The following RELN variants were observed in gnomAD, a reference collection of about 807,000 sequenced individuals.
RELN encodes reelin.
Under a neutral mutation model 427.6 loss-of-function variants are expected in RELN, and 108 were observed. That is an observed-to-expected ratio of 0.25 (90% CI 0.22 to 0.30). The LOEUF is 0.30. Ranked by LOEUF, RELN falls within the 10% of genes least tolerant of loss-of-function variation. The pLI is 1.00. For missense variants in RELN, 3,715 were observed against 4,302.8 expected, an observed-to-expected ratio of 0.86 and a Z score of 3.82; for synonymous variants, 1,524 against 1,513.4, an observed-to-expected ratio of 1.01 and a Z score of -0.16.
chr7:103,742,892 A>C (rs990339518), intron 6 of RELN, among the ~76,000 whole-genome samples: 5 of 152,120 alleles, frequency 3.3e-5, no homozygotes, highest in South Asian at 2.1e-4. Context: ...CCAACATTCA[A>C]ATTCAGGAAA....
chr7:103,583,384 G>C (rs1014312421), intron 28 of RELN, among the ~76,000 whole-genome samples: 1 of 152,104 alleles, frequency 6.6e-6, no homozygotes, highest in African/African-American at 2.4e-5. Context: ...CTGTCTCTCT[G>C]GAGAACCCTA....
At chr7:103,518,748 C>T (rs1032212363) in intron 49 of RELN, among the ~76,000 whole-genome samples, 2 of 150,370 alleles carry the variant, frequency 1.3e-5, no homozygotes, top group East Asian at 4.1e-4. Context: ...CCTCTTCCTC[C>T]TCCTACTTTA....
chr7:103,721,705 T>C (rs1790080977), intron 8 of RELN, among the ~76,000 whole-genome samples: 1 of 152,206 alleles, frequency 6.6e-6, no homozygotes, highest in South Asian at 2.1e-4. Flanking sequence ...TTGATTCTCT[T>C]GTGTTCTTTA....
intron 1 of RELN, among the ~76,000 whole-genome samples, chr7:103,955,555 T>A (rs931757758): frequency 2.0e-5 from 3 of 152,216 alleles, no homozygotes; most frequent in African/African-American, 7.2e-5. Context: ...TAGAAAATCA[T>A]CTGCTAGTAT....
intron 5 of RELN, 143 bp downstream of exon 5, chr7:103,753,039 G>A (rs1026504705): frequency 9.8e-6 from 8 of 817,202 alleles, no homozygotes; most frequent in African/African-American, 3.4e-5. Context: ...AGTATAATCC[G>A]TACCCAAGTC....
rs1201866274 is a variant in RELN at position 103,472,888 on chromosome 7, A to G, written c.10307T>C (p.Met3436Thr). The G allele has an allele frequency of 5.6e-6, 9 of 1,613,908 alleles. No homozygotes were observed. Among genetic ancestry groups the G allele is most frequent in the Non-Finnish European group, 7.6e-6 (9 of 1,179,804 alleles). Residue 3436 changes from methionine to threonine, a missense_variant, in exon 65 of 65, where the codon ATG becomes ACG. By Grantham distance (81) the Met-to-Thr change is moderately conservative (BLOSUM62 -1). Coordinates refer to ENST00000428762, the MANE Select transcript of RELN (RefSeq NM_005045.4). ...VLVSTRKQNY[M>T]MNFSRQHGLR... The stretch of plus-strand genomic sequence containing the variant: ...CCCATGTTGTCGTGAAAAATTCATC[A>G]TGTAATTTTGTTTGCGAGTGCTGTT...
intron 1 of RELN, among the ~76,000 whole-genome samples, chr7:103,951,729 G>C (rs113275954): frequency 6.6e-6 from 1 of 150,910 alleles, no homozygotes; most frequent in African/African-American, 2.5e-5. Flanking sequence ...CTGAAGTGCA[G>C]TGGCACGATC....
At chr7:103,690,062 T>C (rs1262327237) in intron 10 of RELN, among the ~76,000 whole-genome samples, 2 of 152,134 alleles carry the variant, frequency 1.3e-5, no homozygotes, top group African/African-American at 2.4e-5. Context: ...ATCTTCCTCA[T>C]GGTGCTGGCA....
intron 6 of RELN, among the ~76,000 whole-genome samples, chr7:103,745,923 G>A (rs1790812095): frequency 6.6e-6 from 1 of 152,112 alleles, no homozygotes; most frequent in Non-Finnish European, 1.5e-5. Flanking sequence ...CTACTTTAAA[G>A]TTCATATGGA....
chr7:103,973,913 C>T (rs536841200), intron 1 of RELN, among the ~76,000 whole-genome samples: 4 of 152,278 alleles, frequency 2.6e-5, no homozygotes, highest in East Asian at 1.9e-4. Flanking sequence ...GACGCCAAGG[C>T]GGGTGGATCA....
intron 8 of RELN, among the ~76,000 whole-genome samples, chr7:103,705,580 A>G (rs1339873626): frequency 6.6e-6 from 1 of 152,240 alleles, no homozygotes; most frequent in Non-Finnish European, 1.5e-5. Context: ...ACTAATAACA[A>G]TTATACATAA....
chr7:103,963,342 T>A (rs1047905199), intron 1 of RELN, among the ~76,000 whole-genome samples: 25 of 152,324 alleles, frequency 1.6e-4, no homozygotes, highest in Admixed American at 1.6e-3. Flanking sequence ...TGATCTTACG[T>A]CACCCTCTGA....
At chr7:103,713,395 C>G (rs756412310) in intron 8 of RELN, among the ~76,000 whole-genome samples, 1 of 152,188 alleles carries the variant, frequency 6.6e-6, no homozygotes, top group Non-Finnish European at 1.5e-5. Flanking sequence ...CCCATTCTTT[C>G]ATCTTTTCTA....
intron 2 of RELN, among the ~76,000 whole-genome samples, chr7:103,872,030 AT>A (rs1554434458): frequency 7.2e-6 from 1 of 138,442 alleles, no homozygotes; most frequent in Non-Finnish European, 1.6e-5. Context: ...ATATATATAT[AT>A]TTTTCTTTTT....
intron 1 of RELN, among the ~76,000 whole-genome samples, chr7:103,987,091 A>C (rs574552565): frequency 1.8e-4 from 26 of 147,036 alleles, no homozygotes; most frequent in African/African-American, 5.3e-4. Flanking sequence ...AAAAAAAAAA[A>C]CTCTTACTTT....
chr7:103,925,561 T>A (rs1280682989), intron 1 of RELN, among the ~76,000 whole-genome samples: 2 of 152,198 alleles, frequency 1.3e-5, no homozygotes, highest in Admixed American at 1.3e-4. Context: ...GGCCCTGCAC[T>A]CAATAAATTA....
chr7:103,579,599 CAA>C (rs34750174), intron 28 of RELN, among the ~76,000 whole-genome samples: 33 of 64,746 alleles, frequency 5.1e-4, no homozygotes, highest in Non-Finnish European at 5.1e-4. Flanking sequence ...ACTCCATCTC[CAA>C]AAAAAAAAAA....
chr7:103,633,474 A>AAT (rs140092804), intron 19 of RELN, among the ~76,000 whole-genome samples: 1,917 of 148,920 alleles, frequency 0.013, 30 homozygotes, highest in African/African-American at 0.035. Context: ...GACAGAGATA[A>AAT]ATATATATAT....
intron 10 of RELN, among the ~76,000 whole-genome samples, chr7:103,694,661 A>T (rs1382248009): frequency 6.6e-6 from 1 of 152,014 alleles, no homozygotes; most frequent in Non-Finnish European, 1.5e-5. Flanking sequence ...ATAATTAAGC[A>T]TTGCTGTTAG....
Sources: gnomAD v4.1 joint callset for allele counts (sites outside exome capture counted in the v4.1 genomes callset) on GRCh38, gnomAD v4.1.1 for gene constraint, MANE v1.5 for transcripts, NCBI Gene and HGNC (gene_info 2026-07-23, HGNC 2026-07-21) for gene names.